The following CADPS2 variants were observed in gnomAD, a reference collection of about 807,000 sequenced individuals.
The protein encoded by CADPS2 is calcium-dependent secretion activator 2.
In CADPS2, 93 loss-of-function variants were observed where a neutral mutation model predicts 172.5. That is an observed-to-expected ratio of 0.54 (90% confidence interval 0.46 to 0.64). CADPS2 has a LOEUF of 0.64. CADPS2 is among the 30% of genes least tolerant of loss of function. The pLI is 0.00. For synonymous variants in CADPS2, 546 were observed against 555.2 expected, an observed-to-expected ratio of 0.98 and a Z score of 0.23; for missense variants, 1,420 against 1,565.9, an observed-to-expected ratio of 0.91 and a Z score of 1.57.
rs1488474608 is a variant in CADPS2 at position 122,319,926 on chromosome 7, C to T, written c.*239G>A. ...AGGTTCATTTTTAGGTCAAACTACA[C>T]AAAAGAGGATGCTCTTCTCCAAAAA... On this transcript the variant is annotated 3_prime_UTR_variant, in exon 30 of 30. Transcript: ENST00000449022. 3 of 389,710 alleles carry T rather than the reference C, an allele frequency of 7.7e-6. No individual in the cohort carries two copies. Among genetic ancestry groups the T allele is most frequent in the African/African-American group, 6.3e-5 (3 of 47,908 alleles). 24.1% of individuals were successfully genotyped at this position (389,710 alleles called of 1,614,324 possible).
At chr7:122,616,417 T>C (rs2074929866) in intron 5 of CADPS2, among the ~76,000 whole-genome samples, 1 of 152,120 alleles carries the variant, frequency 6.6e-6, no homozygotes, top group East Asian at 1.9e-4. Context: ...ATCTTAAAAG[T>C]GTTCTTCCTT....
At chr7:122,532,582 C>G (rs2061871709) in intron 8 of CADPS2, among the ~76,000 whole-genome samples, 1 of 127,838 alleles carries the variant, frequency 7.8e-6, no homozygotes, top group Non-Finnish European at 1.6e-5. Context: ...AGTTCCAGAT[C>G]GACAGATCAG....
chr7:122,345,285 C>T (rs916195953), intron 28 of CADPS2, among the ~76,000 whole-genome samples: 1 of 152,042 alleles, frequency 6.6e-6, no homozygotes, highest in Non-Finnish European at 1.5e-5. Flanking sequence ...ACCACTACAC[C>T]CAGCTATGTC....
intron 11 of CADPS2, 145 bp from the exon 12 acceptor site, chr7:122,481,005 AG>A (rs2057222698): frequency 4.5e-6 from 3 of 659,570 alleles, no homozygotes; most frequent in Non-Finnish European, 7.0e-6. Context: ...CCATCAGGAA[AG>A]AAAACAAAAA....
chr7:122,844,528 G>T (rs1412339115), intron 1 of CADPS2, among the ~76,000 whole-genome samples: 1 of 152,116 alleles, frequency 6.6e-6, no homozygotes, highest in East Asian at 1.9e-4. Context: ...AAAATATCAT[G>T]GGATATCCTG....
chr7:122,711,326 G>A (rs1317997801), intron 2 of CADPS2, among the ~76,000 whole-genome samples: 1 of 152,058 alleles, frequency 6.6e-6, no homozygotes, highest in Non-Finnish European at 1.5e-5. Context: ...TTATTTTTAT[G>A]TAAATGAATA....
intron 2 of CADPS2, among the ~76,000 whole-genome samples, chr7:122,676,001 A>G (rs1001216582): frequency 6.6e-6 from 1 of 152,138 alleles, no homozygotes; most frequent in African/African-American, 2.4e-5. Context: ...ACAACAACAA[A>G]AAAAGAAATT....
chr7:122,433,373 T>C (rs574956889), intron 17 of CADPS2, among the ~76,000 whole-genome samples: 8 of 151,994 alleles, frequency 5.3e-5, no homozygotes, highest in African/African-American at 1.9e-4. Context: ...TTAAATTACA[T>C]AAATTACATT....
intron 3 of CADPS2, among the ~76,000 whole-genome samples, chr7:122,634,994 T>G (rs1657486954): frequency 6.6e-6 from 1 of 152,208 alleles, no homozygotes; most frequent in Non-Finnish European, 1.5e-5. Flanking sequence ...TCTACTTTTA[T>G]TGCCCTGTCG....
Position 122,637,762 on chromosome 7 carries a change from G to A in CADPS2, c.787-8434C>T, listed in dbSNP as rs191171383. Among the ~76,000 whole-genome samples, 5 of 152,250 alleles carry A rather than the reference G, an allele frequency of 3.3e-5. No homozygotes were observed. The East Asian group carries it at 9.7e-4, about 30-fold the overall frequency. On this transcript the variant is annotated intron_variant, in intron 3 of 29. Coordinates refer to ENST00000449022, the MANE Select transcript of CADPS2 (RefSeq NM_017954.11). ...CCTTTTTGAATTGCCAGCGTTTCTT[G>A]CACTGATTCTTTTTCATGTGTGAGG... is the stretch of plus-strand genomic sequence containing the variant.
chr7:122,790,757 A>G (rs753306783), intron 1 of CADPS2, among the ~76,000 whole-genome samples: 42 of 152,206 alleles, frequency 2.8e-4, no homozygotes, highest in Non-Finnish European at 8.8e-5. Context: ...GATAGCTCTT[A>G]AAGATACTGC....
chr7:122,345,179 G>A (rs1382781735), intron 28 of CADPS2, among the ~76,000 whole-genome samples: 1 of 152,164 alleles, frequency 6.6e-6, no homozygotes. Flanking sequence ...AGGCTGGAGT[G>A]CAGTGGAGCA....
At chr7:122,407,265 C>T (rs1056385935) in intron 20 of CADPS2, among the ~76,000 whole-genome samples, 1 of 152,096 alleles carries the variant, frequency 6.6e-6, no homozygotes, top group African/African-American at 2.4e-5. Flanking sequence ...TCATAAGGTA[C>T]AATAAAGTTC....
At chr7:122,518,151 T>C (rs1352160894) in intron 8 of CADPS2, among the ~76,000 whole-genome samples, 1 of 152,014 alleles carries the variant, frequency 6.6e-6, no homozygotes, top group Non-Finnish European at 1.5e-5. Flanking sequence ...AAACATGAGT[T>C]ACTCTATATA....
At chr7:122,820,942 A>C (rs1182360855) in intron 1 of CADPS2, among the ~76,000 whole-genome samples, 2 of 151,316 alleles carry the variant, frequency 1.3e-5, no homozygotes, top group African/African-American at 4.9e-5. Flanking sequence ...TCAAAATCAC[A>C]AACTATGCTC....
At chr7:122,682,810 G>A (rs1356116154) in intron 2 of CADPS2, among the ~76,000 whole-genome samples, 1 of 152,190 alleles carries the variant, frequency 6.6e-6, no homozygotes, top group African/African-American at 2.4e-5. Flanking sequence ...CTCATCAGTG[G>A]AATACAGGTA....
intron 6 of CADPS2, among the ~76,000 whole-genome samples, chr7:122,594,986 G>T (rs976936986): frequency 1.3e-5 from 2 of 151,802 alleles, no homozygotes; most frequent in Admixed American, 6.6e-5. Flanking sequence ...AAATGCAATG[G>T]TGTGGAAATG....
At chr7:122,645,252 CAT>C (rs1009854332) in intron 3 of CADPS2, among the ~76,000 whole-genome samples, 13 of 116,392 alleles carry the variant, frequency 1.1e-4, no homozygotes, top group Admixed American at 3.5e-4. Context: ...CACACATGTA[CAT>C]GTGTGTATAC....
intron 27 of CADPS2, among the ~76,000 whole-genome samples, chr7:122,351,372 CAAAAAAAAAAA>C (rs398048049): frequency 0.023 from 654 of 28,936 alleles, 21 homozygotes; most frequent in African/African-American, 0.09. Context: ...GACTCCGTCT[CAAAAAAAAAAA>C]AAAAAAAAAA....
Sources: allele counts gnomAD v4.1 joint callset (sites outside exome capture counted in the v4.1 genomes callset), GRCh38; gene constraint gnomAD v4.1.1; transcripts MANE v1.5; gene names NCBI Gene and HGNC (gene_info 2026-07-23, HGNC 2026-07-21).